TMCC3: variants seen among roughly 807,000 people sequenced by gnomAD.
TMCC3 encodes the protein transmembrane and coiled-coil domain protein 3.
TMCC3 carries 28 observed loss-of-function variants against 40.2 expected under a neutral mutation model. That is an observed-to-expected ratio of 0.70 (90% confidence interval 0.52 to 0.95). The LOEUF (loss-of-function observed/expected upper bound fraction) is 0.95. Among genes scored for constraint, TMCC3 ranks in the 40% least tolerant of loss-of-function variants. The pLI, the probability that TMCC3 is intolerant of heterozygous loss-of-function variation, is 0.00. For synonymous variants in TMCC3, 255 were observed against 248.5 expected (o/e 1.03, Z -0.25); for missense variants, 554 against 615.2 (o/e 0.90, Z 1.05).
intron 3 of TMCC3, among the ~76,000 whole-genome samples, chr12:94,574,430 C>A (rs1479259436): frequency 6.6e-6 from 1 of 151,182 alleles, no homozygotes; most frequent in Non-Finnish European, 1.5e-5. Flanking sequence ...GAGAGAGAAA[C>A]CTTCAGGCCT....
chr12:94,623,392 A>T (rs1273926256), intron 1 of TMCC3, among the ~76,000 whole-genome samples: 1 of 152,206 alleles, frequency 6.6e-6, no homozygotes, highest in Non-Finnish European at 1.5e-5. Context: ...ATGAGGGACC[A>T]AGGCTCAGAA....
chr12:94,588,773 G>A (rs1427777691), intron 1 of TMCC3, among the ~76,000 whole-genome samples: 2 of 151,870 alleles, frequency 1.3e-5, no homozygotes, highest in Non-Finnish European at 2.9e-5. Context: ...GCCCAGCATG[G>A]CTTTGAATGC....
At chr12:94,585,461 C>G (rs993952609) in intron 1 of TMCC3, among the ~76,000 whole-genome samples, 6 of 152,134 alleles carry the variant, frequency 3.9e-5, no homozygotes, top group African/African-American at 1.4e-4. Context: ...CTTTGGGAGG[C>G]TGAGGCGGGT....
At chr12:94,598,878 AACC>A in intron 1 of TMCC3, 1 of 664,836 alleles carries the variant, frequency 1.5e-6, no homozygotes, top group Non-Finnish European at 1.9e-6. Flanking sequence ...CCCTTCTTAG[AACC>A]TAAGTCTGTA....
intron 1 of TMCC3, among the ~76,000 whole-genome samples, chr12:94,628,954 A>G (rs906717419): frequency 1.3e-5 from 2 of 152,272 alleles, no homozygotes; most frequent in African/African-American, 4.8e-5. Flanking sequence ...CTGTAGTTAG[A>G]AAAAAGGTGA....
intron 1 of TMCC3, among the ~76,000 whole-genome samples, chr12:94,637,341 T>C (rs1260040527): frequency 6.6e-6 from 1 of 152,160 alleles, no homozygotes; most frequent in Admixed American, 6.6e-5. Context: ...TATTTCAAAA[T>C]AAAAATTTTA....
chr12:94,643,849 T>C (rs2069003890), intron 1 of TMCC3, among the ~76,000 whole-genome samples: 1 of 152,244 alleles, frequency 6.6e-6, no homozygotes, highest in Admixed American at 6.5e-5. Flanking sequence ...AGTTGAGACA[T>C]ACACAGGTTC....
chr12:94,582,017 G>A lies in TMCC3; in HGVS notation c.600C>T (p.Phe200=), dbSNP rs571188168. 1 of 1,614,158 alleles carries A rather than the reference G, an allele frequency of 6.2e-7. No individual in the cohort carries two copies. The highest frequency in any genetic ancestry group is 2.2e-5 in the East Asian group (1 of 44,874). ...GGTTGGCAAACTCTCTGGACTTATT[G>A]AAAACGAACACAGGTGGAGTAAGTG... The part of the protein sequence containing the change: ...GVSLTPPVFV[F]NKSREFANLI... The change falls in exon 2 of 4, where the codon TTC becomes TTT. Residue 200 remains phenylalanine (F), a synonymous_variant. Coordinates refer to ENST00000261226, the MANE Select transcript of TMCC3 (RefSeq NM_020698.4).
chr12:94,626,487 A>C (rs748994260), intron 1 of TMCC3, among the ~76,000 whole-genome samples: 27 of 152,240 alleles, frequency 1.8e-4, no homozygotes, highest in African/African-American at 2.4e-5. Context: ...TGATGTATTA[A>C]ACACTGAACC....
chr12:94,598,521 G>A, intron 1 of TMCC3: 1 of 946,942 alleles, frequency 1.1e-6, no homozygotes, highest in South Asian at 4.9e-5. Context: ...GCATTCATAA[G>A]TAGGAGAAGA....
intron 1 of TMCC3, among the ~76,000 whole-genome samples, chr12:94,589,758 G>A (rs186783480): frequency 2.0e-5 from 3 of 152,278 alleles, no homozygotes; most frequent in Admixed American, 2.0e-4. Flanking sequence ...ATTTTTTAAT[G>A]CATTCATATA....
intron 3 of TMCC3, among the ~76,000 whole-genome samples, chr12:94,573,899 T>C (rs150458966): frequency 1.5e-4 from 23 of 152,316 alleles, no homozygotes; most frequent in Non-Finnish European, 2.2e-4. Context: ...GGGGAAGCCT[T>C]TCCTGATCCA....
intron 1 of TMCC3, chr12:94,591,022 G>A (rs2068671638): frequency 1.8e-6 from 1 of 551,462 alleles, no homozygotes; most frequent in South Asian, 1.4e-5. Flanking sequence ...AGAAATTGAT[G>A]AAGAAACATA....
intron 1 of TMCC3, among the ~76,000 whole-genome samples, chr12:94,612,956 A>T (rs1330666219): frequency 1.3e-5 from 2 of 152,226 alleles, no homozygotes; most frequent in African/African-American, 4.8e-5. Flanking sequence ...GAAAATATAC[A>T]CAGCAGCATC....
In TMCC3 at chr12:94,570,749, G is replaced by T. The variant is rs1594260694; in HGVS notation, c.*686C>A. The stretch of plus-strand genomic sequence containing the variant: ...CTAGCCAGTTGAGACAAAATCAGGT[G>T]TTGGTTGCCTGGGTATGAGAAGGTG... On this transcript the variant is annotated 3_prime_UTR_variant, in exon 4 of 4. Transcript: ENST00000261226. The T allele has an allele frequency of 6.5e-6, 1 of 152,734 alleles. No homozygotes were observed. The highest frequency in any genetic ancestry group is 1.9e-4 in the East Asian group (1 of 5,196). 9.5% of individuals were successfully genotyped at this position (152,734 alleles called of 1,614,324 possible). A position where few individuals can be genotyped will look rare whatever the true frequency, so the allele number is the denominator to read the frequency against.
At chr12:94,577,656 C>T (rs953488153) in intron 3 of TMCC3, among the ~76,000 whole-genome samples, 1 of 152,028 alleles carries the variant, frequency 6.6e-6, no homozygotes, top group Admixed American at 6.6e-5. Context: ...TCACAGAGTC[C>T]GTGTCGTGTA....
chr12:94,587,886 C>T (rs912785548), intron 1 of TMCC3, among the ~76,000 whole-genome samples: 4 of 152,164 alleles, frequency 2.6e-5, no homozygotes, highest in African/African-American at 9.7e-5. Context: ...TGACTGCTAG[C>T]CTCTTTCAAT....
chr12:94,631,518 G>A (rs546980519), intron 1 of TMCC3, among the ~76,000 whole-genome samples: 1 of 152,074 alleles, frequency 6.6e-6, no homozygotes, highest in African/African-American at 2.4e-5. Context: ...AAGCCCAGGA[G>A]GGAGGCCTGG....
chr12:94,608,194 T>C (rs1594285438), intron 1 of TMCC3, among the ~76,000 whole-genome samples: 2 of 152,202 alleles, frequency 1.3e-5, no homozygotes, highest in South Asian at 2.1e-4. Flanking sequence ...AAACTTTATA[T>C]ATAAACAGAG....
Sources: allele counts gnomAD v4.1 joint callset (sites outside exome capture counted in the v4.1 genomes callset), GRCh38; gene constraint gnomAD v4.1.1; transcripts MANE v1.5; gene names NCBI Gene and HGNC (gene_info 2026-07-23, HGNC 2026-07-21).